Variants in SDK1 observed in about 807,000 individuals in gnomAD.
The protein encoded by SDK1 is sidekick cell adhesion molecule 1.
Under a neutral mutation model 245.5 loss-of-function variants are expected in SDK1, and 157 were observed. The ratio of observed to expected loss-of-function variants is 0.64; its 90% CI spans 0.56 to 0.73. The LOEUF is 0.73. SDK1 is among the 30% of genes least tolerant of loss of function. The pLI, the probability that SDK1 is intolerant of heterozygous loss-of-function variation, is 0.00. For missense variants in SDK1, 3,583 were observed against 3,002.3 expected (o/e 1.19, Z -4.52); for synonymous variants, 1,647 against 1,278.5 (o/e 1.29, Z -6.15).
chr7:3,364,581 C>G (rs553907073), intron 1 of SDK1, among the ~76,000 whole-genome samples: 48 of 152,296 alleles, frequency 3.2e-4, no homozygotes, highest in African/African-American at 1.1e-3. Flanking sequence ...TCAAAAATCA[C>G]TTGGACATAT....
intron 1 of SDK1, among the ~76,000 whole-genome samples, chr7:3,414,707 C>G (rs1369026146): frequency 2.6e-5 from 4 of 152,154 alleles, no homozygotes; most frequent in African/African-American, 7.2e-5. Flanking sequence ...TTTTATCACC[C>G]CAGAAAGCAA....
intron 1 of SDK1, among the ~76,000 whole-genome samples, chr7:3,491,837 TCC>T (rs1781872129): frequency 6.6e-6 from 1 of 152,174 alleles, no homozygotes; most frequent in Admixed American, 6.5e-5. Context: ...GTATAAAGTA[TCC>T]ATATAAAGCC....
intron 1 of SDK1, among the ~76,000 whole-genome samples, chr7:3,615,195 CTGT>C (rs1179861714): frequency 6.6e-6 from 1 of 151,534 alleles, no homozygotes; most frequent in Non-Finnish European, 1.5e-5. Context: ...ATTTCTTTTT[CTGT>C]TGTTAAACAG....
intron 1 of SDK1, among the ~76,000 whole-genome samples, chr7:3,398,512 G>GT (rs1184368054): frequency 1.3e-5 from 2 of 151,924 alleles, no homozygotes; most frequent in African/African-American, 4.8e-5. Flanking sequence ...TGACAAAGTA[G>GT]TTTCCCTTGG....
chr7:3,670,300 TCTAC>T, intron 4 of SDK1, among the ~76,000 whole-genome samples: 1 of 152,306 alleles, frequency 6.6e-6, no homozygotes, highest in East Asian at 1.9e-4. Flanking sequence ...CCTTCCCTTA[TCTAC>T]CTAAATTTTT....
intron 17 of SDK1, among the ~76,000 whole-genome samples, chr7:4,039,252 T>G (rs558671387): frequency 3.0e-4 from 45 of 152,020 alleles, no homozygotes; most frequent in African/African-American, 1.1e-3. Context: ...TGTATACATA[T>G]GTAACTAACC....
chr7:3,882,937 A>T (rs1254206831), intron 5 of SDK1, among the ~76,000 whole-genome samples: 3 of 152,172 alleles, frequency 2.0e-5, no homozygotes, highest in Non-Finnish European at 2.9e-5. Context: ...TTCAAATGTA[A>T]TTTAGGTAAT....
At chr7:3,950,387 T>A (rs1780755497) in intron 5 of SDK1, among the ~76,000 whole-genome samples, 1 of 152,242 alleles carries the variant, frequency 6.6e-6, no homozygotes, top group Admixed American at 6.5e-5. Flanking sequence ...GCCCTTTCAC[T>A]TTCTGTGGTT....
At chr7:3,946,041 C>A (rs990243499) in intron 5 of SDK1, among the ~76,000 whole-genome samples, 6 of 150,170 alleles carry the variant, frequency 4.0e-5, no homozygotes, top group African/African-American at 1.2e-4. Flanking sequence ...CAATAAGAGC[C>A]CTAGAAAGAA....
At chr7:3,897,240 C>T (rs1011223085) in intron 5 of SDK1, among the ~76,000 whole-genome samples, 4 of 152,158 alleles carry the variant, frequency 2.6e-5, no homozygotes, top group Non-Finnish European at 4.4e-5. Context: ...TTAAGTCTCC[C>T]GTTCAGTAAG....
intron 1 of SDK1, among the ~76,000 whole-genome samples, chr7:3,523,855 G>T (rs58748813): frequency 1.3e-5 from 2 of 152,000 alleles, no homozygotes; most frequent in African/African-American, 4.8e-5. Context: ...TCTTATGGTT[G>T]TACATTTGGT....
intron 4 of SDK1, among the ~76,000 whole-genome samples, chr7:3,804,996 G>C (rs1226305300): frequency 6.6e-6 from 1 of 152,074 alleles, no homozygotes; most frequent in African/African-American, 2.4e-5. Flanking sequence ...GTGCATACTT[G>C]AAAGTTACTA....
rs972957318 is a variant in SDK1 at position 4,119,383 on chromosome 7, AG to A, written c.3823+5111del. On this transcript the variant is annotated intron_variant, in intron 25 of 44. Transcript: ENST00000404826. ...GGCAGGAGAACTGCTTCAGCCCAGG[AG>A]GTCGAGCCTGCCATGAACTACGATC... Among the ~76,000 whole-genome samples the A allele has an allele frequency of 4.4e-4, 65 of 148,552 alleles. 2 individuals are homozygous for A. The highest frequency in any genetic ancestry group is 1.5e-3 in the African/African-American group (60 of 40,706).
chr7:4,156,223 T>C (rs985853914), intron 30 of SDK1, among the ~76,000 whole-genome samples: 7 of 152,072 alleles, frequency 4.6e-5, no homozygotes, highest in Non-Finnish European at 7.4e-5. Flanking sequence ...AGTGGGGCTA[T>C]GGTGGGTGGC....
At chr7:3,826,035 G>C (rs577163703) in intron 5 of SDK1, among the ~76,000 whole-genome samples, 1 of 152,206 alleles carries the variant, frequency 6.6e-6, no homozygotes, top group Non-Finnish European at 1.5e-5. Flanking sequence ...CTATTTTATA[G>C]TCAAGTCATG....
chr7:3,513,914 T>G (rs1329698011), intron 1 of SDK1, among the ~76,000 whole-genome samples: 1 of 152,178 alleles, frequency 6.6e-6, no homozygotes, highest in Non-Finnish European at 1.5e-5. Flanking sequence ...TTAATTTGCC[T>G]AGGATAGTGG....
intron 4 of SDK1, among the ~76,000 whole-genome samples, chr7:3,799,366 T>C (rs1339572916): frequency 1.3e-5 from 2 of 151,950 alleles, no homozygotes; most frequent in Non-Finnish European, 2.9e-5. Flanking sequence ...TTCTAAGTTA[T>C]TCACTTAGGC....
intron 35 of SDK1, among the ~76,000 whole-genome samples, chr7:4,193,230 T>A (rs1584412685): frequency 7.5e-6 from 1 of 133,588 alleles, no homozygotes; most frequent in South Asian, 2.1e-4. Context: ...TGTATATTAA[T>A]TGTATAAATA....
At chr7:3,821,369 A>G in intron 4 of SDK1, 81 bp from the exon 5 acceptor site, 1 of 1,463,388 alleles carries the variant, frequency 6.8e-7, no homozygotes, top group South Asian at 1.3e-5. Context: ...ATTCCTTTAT[A>G]GTTGGCCTAA....
Sources: allele counts gnomAD v4.1 joint callset (sites outside exome capture counted in the v4.1 genomes callset), GRCh38; gene constraint gnomAD v4.1.1; transcripts MANE v1.5; gene names NCBI Gene and HGNC (gene_info 2026-07-23, HGNC 2026-07-21).